The following COQ7 variants were observed in gnomAD, a reference collection of about 807,000 sequenced individuals.
COQ7 encodes coenzyme Q7, hydroxylase.
Under a neutral mutation model 25.0 loss-of-function variants are expected in COQ7, and 21 were observed. The observed-to-expected ratio is 0.84, with a 90% CI of 0.60 to 1.21. COQ7 has a LOEUF of 1.21. Ranked by LOEUF, COQ7 falls within the 50% of genes most tolerant of loss-of-function variation. The probability of loss-of-function intolerance (pLI) is 0.00; values close to 1 mark genes in which losing one functional copy is unlikely to be tolerated. For synonymous variants in COQ7, 125 were observed against 112.4 expected, an observed-to-expected ratio of 1.11 and a Z score of -0.71; for missense variants, 311 against 296.2, an observed-to-expected ratio of 1.05 and a Z score of -0.37.
chr16:19,067,782 C>G (rs771311195), intron 1 of COQ7, 45 bp downstream of exon 1: 2 of 1,575,302 alleles, frequency 1.3e-6, no homozygotes, highest in Non-Finnish European at 1.7e-6. Context: ...GTCTAGCGAG[C>G]TAGGGAATTT....
intron 5 of COQ7, 51 bp downstream of exon 5, chr16:19,077,425 C>A: frequency 6.7e-7 from 1 of 1,491,068 alleles, no homozygotes; most frequent in Non-Finnish European, 9.3e-7. Flanking sequence ...ATTTGGGAGG[C>A]TGAAGGGGCA....
At chr16:19,067,934 G>A in intron 1 of COQ7, 197 bp downstream of exon 1, 1 of 1,457,838 alleles carries the variant, frequency 6.9e-7, no homozygotes, top group South Asian at 1.4e-5. Flanking sequence ...AGAGTGACAG[G>A]AGGACAGGGG....
At chr16:19,075,199 ATTTT>A (rs71143834) in intron 3 of COQ7, among the ~76,000 whole-genome samples, 9 of 89,312 alleles carry the variant, frequency 1.0e-4, no homozygotes, top group African/African-American at 2.7e-4. Flanking sequence ...ACCTAGGGAC[ATTTT>A]TTTTTTTTTT....
At chr16:19,071,788 A>G (rs1420197646) in intron 1 of COQ7, 140 bp from the exon 2 acceptor site, 1 of 841,224 alleles carries the variant, frequency 1.2e-6, no homozygotes. Context: ...CTGTAGGTTA[A>G]ACAGAGTCCG....
intron 1 of COQ7, among the ~76,000 whole-genome samples, chr16:19,070,435 A>G (rs1962495067): frequency 1.3e-5 from 2 of 152,320 alleles, no homozygotes; most frequent in South Asian, 4.1e-4. Flanking sequence ...AAACATTACA[A>G]AGTGATACCA....
At position 19,078,832 on chromosome 16, in the gene COQ7, A is replaced by G. The variant is rs1282467920; in HGVS notation, c.*674A>G. The G allele has an allele frequency of 1.3e-5, 2 of 152,194 alleles. No individual in the cohort carries two copies. Among genetic ancestry groups the G allele is most frequent in the Non-Finnish European group, 2.9e-5 (2 of 68,030 alleles). The allele number at this position is 152,194 out of a possible 1,614,324, so 9.4% of individuals were successfully genotyped here. A position where few individuals can be genotyped will look rare whatever the true frequency, so the allele number is the denominator to read the frequency against. On this transcript the variant is annotated 3_prime_UTR_variant, in exon 6 of 6. Coordinates refer to ENST00000321998, the MANE Select transcript of COQ7 (RefSeq NM_016138.5). ...GGAGAAAAAACAATTTGGTTTACTG[A>G]TAACAAAAGATAATTGGAAACATGA...
intron 2 of COQ7, among the ~76,000 whole-genome samples, chr16:19,073,529 A>G (rs946600790): frequency 1.3e-5 from 2 of 152,166 alleles, no homozygotes; most frequent in South Asian, 2.1e-4. Context: ...AGATGATGCT[A>G]TTCTAGTAAT....
At chr16:19,067,826 G>GA (rs1962307082) in intron 1 of COQ7, 89 bp downstream of exon 1, 3 of 1,535,544 alleles carry the variant, frequency 2.0e-6, no homozygotes, top group East Asian at 2.3e-5. Context: ...GGTCACGGGG[G>GA]AGAGGTTCGT....
At chr16:19,067,971 T>G (rs1596815910) in intron 1 of COQ7, 1 of 1,414,698 alleles carries the variant, frequency 7.1e-7, no homozygotes, top group South Asian at 1.5e-5. Flanking sequence ...GCCTGGGGAG[T>G]GACGCAATTG....
intron 4 of COQ7, among the ~76,000 whole-genome samples, chr16:19,076,728 A>G (rs1055965192): frequency 1.9e-4 from 29 of 150,160 alleles, no homozygotes; most frequent in Admixed American, 4.0e-4. Flanking sequence ...GGTAGCTGGG[A>G]TTACAGACAT....
chr16:19,078,011 C>A, intron 5 of COQ7, 70 bp from the exon 6 acceptor site: 2 of 1,183,014 alleles, frequency 1.7e-6, no homozygotes, highest in Non-Finnish European at 2.4e-6. Flanking sequence ...GCCTGCCCTG[C>A]CAGCCCTGAA....
rs1162695750 is a variant in COQ7 at position 19,077,508 on chromosome 16, T to C, written c.576+134T>C. 4 of 627,802 alleles carry C rather than the reference T, an allele frequency of 6.4e-6. No individual in the cohort carries two copies. In the Admixed American group the frequency reaches 9.0e-5, roughly 14 times the overall value. 38.9% of individuals were successfully genotyped at this position (627,802 alleles called of 1,614,324 possible). On this transcript the variant is annotated intron_variant, in intron 5 of 5. Transcript: ENST00000321998. ...GGAGAGAAAACCAATGACGTTGCTT[T>C]GACAAAAAGCAAGCAAACGCATTAT...
chr16:19,072,239 C>G, intron 2 of COQ7, 133 bp downstream of exon 2: 1 of 1,094,398 alleles, frequency 9.1e-7, no homozygotes, highest in Non-Finnish European at 1.3e-6. Context: ...AAGGTTGGTT[C>G]TTGGTGGAGA....
chr16:19,075,909 G>A, intron 4 of COQ7, 49 bp downstream of exon 4: 1 of 1,612,114 alleles, frequency 6.2e-7, no homozygotes, highest in Non-Finnish European at 8.5e-7. Flanking sequence ...GAAAATGGCA[G>A]ATAGCAATTG....
At chr16:19,072,406 T>C in intron 2 of COQ7, 2 of 336,880 alleles carry the variant, frequency 5.9e-6, no homozygotes, top group South Asian at 8.0e-5. Flanking sequence ...AGCAGTCAAC[T>C]GTGCTGAAAT....
chr16:19,071,801 T>C, intron 1 of COQ7, 127 bp from the exon 2 acceptor site: 1 of 968,470 alleles, frequency 1.0e-6, no homozygotes, highest in Non-Finnish European at 1.6e-6. Context: ...AGAGTCCGTT[T>C]ATGGGCACGC....
Position 19,079,902 on chromosome 16 carries a change from TA to T in COQ7, c.*1747del, listed in dbSNP as rs1456809233. The T allele has an allele frequency of 1.3e-5, 2 of 152,226 alleles. No homozygotes were observed. The highest frequency in any genetic ancestry group is 1.5e-5 in the Non-Finnish European group (1 of 68,046). The allele number at this position is 152,226 out of a possible 1,614,324, so 9.4% of individuals were successfully genotyped here. A position where few individuals can be genotyped will look rare whatever the true frequency, so the allele number is the denominator to read the frequency against. ...GAAAGTCTACGAATCATAATTGTAATAAATTAAGGCTGGGCATTTGTTTGAA... is the reference window on the plus strand; with the variant it reads ...GAAAGTCTACGAATCATAATTGTAATAATTAAGGCTGGGCATTTGTTTGAA... On this transcript the variant is annotated 3_prime_UTR_variant, in exon 6 of 6. Transcript: ENST00000321998.
rs146948044 is a variant in COQ7 at position 19,079,768 on chromosome 16, G to A, written c.*1610G>A. 1 of 152,212 alleles carries A rather than the reference G, an allele frequency of 6.6e-6. No homozygotes were observed. Among genetic ancestry groups the A allele is most frequent in the Non-Finnish European group, 1.5e-5 (1 of 68,038 alleles). 9.4% of individuals were successfully genotyped at this position (152,212 alleles called of 1,614,324 possible). ...AGCACCTGATGACTTGGCAGGACTT[G>A]CCCCACCAGGGTCTGGCTTTGAAGG... On this transcript the variant is annotated 3_prime_UTR_variant, in exon 6 of 6. Transcript: ENST00000321998.
Position 19,075,809 on chromosome 16 carries a change from G to A in COQ7, c.456G>A (p.Gln152=), listed in dbSNP as rs1429835169. Residue 152 remains glutamine, a synonymous_variant, in exon 4 of 6, where the codon CAG becomes CAA. Coordinates refer to ENST00000321998, the MANE Select transcript of COQ7 (RefSeq NM_016138.5). Reference sequence around the variant, plus strand: ...GCATAGCACATCACTACAACAACCAGATCAGGACGCTGATGGAGGAGGACC... The same window carrying A: ...GCATAGCACATCACTACAACAACCAAATCAGGACGCTGATGGAGGAGGACC... ...EESIAHHYNN[Q]IRTLMEEDPE... 1 of 1,614,024 alleles carries A rather than the reference G, an allele frequency of 6.2e-7. No individual in the cohort carries two copies. The highest frequency in any genetic ancestry group is 1.3e-5 in the African/African-American group (1 of 74,928).
Sources: allele counts gnomAD v4.1 joint callset (sites outside exome capture counted in the v4.1 genomes callset), GRCh38; gene constraint gnomAD v4.1.1; transcripts MANE v1.5; gene names NCBI Gene and HGNC (gene_info 2026-07-23, HGNC 2026-07-21).